Variants in CWF19L2 observed in about 807,000 individuals in gnomAD.
CWF19L2 encodes the protein CWF19 like cell cycle control factor 2.
A neutral mutation model predicts 111.7 loss-of-function variants in CWF19L2; 98 were observed. That is an observed-to-expected ratio of 0.88 (90% CI 0.75 to 1.04). The LOEUF (loss-of-function observed/expected upper bound fraction) is 1.04. CWF19L2 is among the 50% of genes least tolerant of loss of function. The probability of loss-of-function intolerance (pLI) is 0.00; values close to 1 mark genes in which losing one functional copy is unlikely to be tolerated. For synonymous variants in CWF19L2, 351 were observed against 342.9 expected (o/e 1.02, Z -0.26); for missense variants, 1,101 against 1,051.4 (o/e 1.05, Z -0.65).
chr11:107,349,368 A>G (rs1172667890), intron 13 of CWF19L2, among the ~76,000 whole-genome samples: 1 of 152,192 alleles, frequency 6.6e-6, no homozygotes, highest in Admixed American at 6.5e-5. Context: ...CAATATCCTT[A>G]ATCTGAAGGA....
chr11:107,333,014 A>T, intron 16 of CWF19L2, among the ~76,000 whole-genome samples: 1 of 151,692 alleles, frequency 6.6e-6, no homozygotes, highest in Non-Finnish European at 1.5e-5. Context: ...GCTACTCAAG[A>T]GGCAGACGCA....
chr11:107,370,925 G>A (rs1223136671), intron 12 of CWF19L2, among the ~76,000 whole-genome samples: 1 of 136,018 alleles, frequency 7.4e-6, no homozygotes, highest in Non-Finnish European at 1.6e-5. Flanking sequence ...TCATTTGTCT[G>A]TACAATACCT....
chr11:107,410,356 A>G (rs908328305), intron 10 of CWF19L2, among the ~76,000 whole-genome samples: 1 of 152,180 alleles, frequency 6.6e-6, no homozygotes, highest in African/African-American at 2.4e-5. Flanking sequence ...GCAGTAGAGA[A>G]TTCTTTCAGA....
intron 10 of CWF19L2, among the ~76,000 whole-genome samples, chr11:107,395,949 A>T (rs1438682040): frequency 1.3e-5 from 2 of 152,206 alleles, no homozygotes; most frequent in East Asian, 3.8e-4. Context: ...TGTTATTACA[A>T]GCTGGCACCT....
chr11:107,385,639 T>C (rs1257804399), intron 12 of CWF19L2, among the ~76,000 whole-genome samples: 1 of 152,272 alleles, frequency 6.6e-6, no homozygotes, highest in Non-Finnish European at 1.5e-5. Context: ...TGGCTGCAGT[T>C]ACCTGCAGTC....
In CWF19L2 at chr11:107,440,206, G is replaced by C. The variant is rs560177763; in HGVS notation, c.571-1023C>G. ...TGATACCGAAGTTGACCCTGGGAGT[G>C]GGGGGTTAGAAAATGCTTCCTACAA... On this transcript the variant is annotated intron_variant, in intron 5 of 17. Transcript: ENST00000282251. Among the ~76,000 whole-genome samples the C allele has an allele frequency of 3.3e-5, 5 of 152,248 alleles. No homozygotes were observed. The South Asian group carries it at 1.0e-3, about 32-fold the overall frequency.
At chr11:107,450,055 C>T (rs1224244701) in intron 3 of CWF19L2, among the ~76,000 whole-genome samples, 2 of 151,066 alleles carry the variant, frequency 1.3e-5, no homozygotes, top group East Asian at 3.9e-4. Context: ...GCCAAGATTG[C>T]GGCACTGCAC....
At chr11:107,343,537 T>G (rs1197123993) in intron 14 of CWF19L2, among the ~76,000 whole-genome samples, 1 of 152,190 alleles carries the variant, frequency 6.6e-6, no homozygotes, top group Non-Finnish European at 1.5e-5. Context: ...TTATGAAATC[T>G]CCTCTACCAA....
intron 3 of CWF19L2, among the ~76,000 whole-genome samples, chr11:107,449,985 AT>A (rs1861755537): frequency 1.3e-5 from 2 of 152,168 alleles, no homozygotes; most frequent in Admixed American, 1.3e-4. Flanking sequence ...TTTAAAAGCC[AT>A]AAACAGCTAA....
At chr11:107,412,379 C>T (rs985082324) in intron 10 of CWF19L2, among the ~76,000 whole-genome samples, 7 of 152,120 alleles carry the variant, frequency 4.6e-5, no homozygotes, top group East Asian at 1.9e-4. Context: ...CCCACACTGC[C>T]GCCCAGGCTG....
chr11:107,386,776 C>T (rs1860772625), intron 12 of CWF19L2, among the ~76,000 whole-genome samples: 1 of 152,156 alleles, frequency 6.6e-6, no homozygotes, highest in Non-Finnish European at 1.5e-5. Context: ...TAACACAGGG[C>T]TAGGCGCAGT....
intron 12 of CWF19L2, among the ~76,000 whole-genome samples, chr11:107,358,274 G>A (rs1860268373): frequency 6.6e-6 from 1 of 151,444 alleles, no homozygotes; most frequent in South Asian, 2.1e-4. Context: ...GCTTCCCTGG[G>A]CCACATTGGA....
intron 12 of CWF19L2, among the ~76,000 whole-genome samples, chr11:107,383,294 A>C (rs935349867): frequency 2.6e-5 from 4 of 152,104 alleles, no homozygotes; most frequent in African/African-American, 9.7e-5. Context: ...AACCTGTGGA[A>C]TCAGACACTA....
intron 10 of CWF19L2, among the ~76,000 whole-genome samples, chr11:107,415,884 G>A (rs11212214): frequency 0.04 from 6,136 of 152,118 alleles, 153 homozygotes; most frequent in East Asian, 0.11. Context: ...GATCATTTGA[G>A]GTCAGGAGTT....
intron 13 of CWF19L2, among the ~76,000 whole-genome samples, chr11:107,349,624 TA>T (rs11421851): frequency 6.7e-6 from 1 of 149,438 alleles, no homozygotes; most frequent in Admixed American, 6.7e-5. Flanking sequence ...CAAACTGTCT[TA>T]AAAAAAAAAG....
intron 12 of CWF19L2, among the ~76,000 whole-genome samples, chr11:107,355,389 T>C (rs1591158869): frequency 6.7e-6 from 1 of 148,306 alleles, no homozygotes; most frequent in East Asian, 2.0e-4. Flanking sequence ...CACTCTAGAC[T>C]GGGCGACAAG....
chr11:107,402,505 G>A (rs1241007120), intron 10 of CWF19L2, among the ~76,000 whole-genome samples: 1 of 151,888 alleles, frequency 6.6e-6, no homozygotes, highest in East Asian at 1.9e-4. Flanking sequence ...ATGATCAGGG[G>A]AACACAAATC....
intron 6 of CWF19L2, 86 bp downstream of exon 6, chr11:107,439,004 C>T (rs1861579799): frequency 2.9e-6 from 2 of 694,684 alleles, no homozygotes; most frequent in African/African-American, 1.9e-5. Flanking sequence ...CACCACTGCA[C>T]TCCCTGGCTG....
At chr11:107,385,304 C>T (rs1860748614) in intron 12 of CWF19L2, among the ~76,000 whole-genome samples, 1 of 136,634 alleles carries the variant, frequency 7.3e-6, no homozygotes, top group South Asian at 2.3e-4. Context: ...TTAGAAAAAA[C>T]ACCTCCATTA....
Sources: gnomAD v4.1 joint callset for allele counts (sites outside exome capture counted in the v4.1 genomes callset) on GRCh38, gnomAD v4.1.1 for gene constraint, MANE v1.5 for transcripts, NCBI Gene and HGNC (gene_info 2026-07-23, HGNC 2026-07-21) for gene names.